The following ESR2 variants were observed in gnomAD, a reference collection of about 807,000 sequenced individuals.
ESR2 encodes the protein estrogen receptor beta.
ESR2 carries 36 observed loss-of-function variants against 49.6 expected under a neutral mutation model. That is an observed-to-expected ratio of 0.73 (90% CI 0.56 to 0.96). The LOEUF (loss-of-function observed/expected upper bound fraction) is 0.96. Among genes scored for constraint, ESR2 ranks in the 40% least tolerant of loss-of-function variants. ESR2 has a pLI of 0.00. For missense variants in ESR2, 714 were observed against 693.0 expected, an observed-to-expected ratio of 1.03 and a Z score of -0.34; for synonymous variants, 320 against 266.1, an observed-to-expected ratio of 1.20 and a Z score of -1.97.
chr14:64,312,595 T>G (rs1486010357), intron 1 of ESR2, among the ~76,000 whole-genome samples: 2 of 152,214 alleles, frequency 1.3e-5, no homozygotes, highest in South Asian at 4.1e-4. Flanking sequence ...CACATCCTCT[T>G]ACAGACTAAG....
Position 64,257,380 on chromosome 14 carries a change from G to C in ESR2, c.953-16C>G, listed in dbSNP as rs773658430. 6.2e-7 allele frequency: 1 copy of C among 1,612,258 alleles called. No homozygotes were observed. The highest frequency in any genetic ancestry group is 8.5e-7 in the Non-Finnish European group (1 of 1,179,942). On this transcript the variant is annotated splice_polypyrimidine_tract_variant and intron_variant, in intron 5 of 8. Transcript: ENST00000341099. The stretch of plus-strand genomic sequence containing the variant: ...TCCACAAAGCCTGGGGAAAGCAAGA[G>C]GCGGTGAGACACCCCCACCCCTCCT...
chr14:64,280,728 G>C (rs979796290), intron 2 of ESR2, among the ~76,000 whole-genome samples: 6 of 152,230 alleles, frequency 3.9e-5, no homozygotes, highest in Non-Finnish European at 8.8e-5. Context: ...ATAACTTTCA[G>C]GTTGGGCGCA....
At chr14:64,305,163 C>A (rs1032785079) in intron 1 of ESR2, among the ~76,000 whole-genome samples, 1 of 150,362 alleles carries the variant, frequency 6.7e-6, no homozygotes, top group Admixed American at 6.6e-5. Context: ...TGGTGGCGGG[C>A]GCCTGTAGTC....
At chr14:64,305,049 G>A (rs1038532841) in intron 1 of ESR2, among the ~76,000 whole-genome samples, 8 of 152,132 alleles carry the variant, frequency 5.3e-5, no homozygotes, top group African/African-American at 1.9e-4. Flanking sequence ...CCAGCTCTTT[G>A]GGAGGCTGAG....
rs530564131 is a variant in ESR2, at chr14:64,269,636, T to C, written c.536-725A>G. ...GGTAGCCACTGGTCCAAGAAGAACG[T>C]GGGGACATGTGGAACAGACCTGACC... On this transcript the variant is annotated intron_variant, in intron 3 of 8. Coordinates refer to ENST00000341099, the MANE Select transcript of ESR2 (RefSeq NM_001437.3). 4.6e-5 allele frequency among the ~76,000 whole-genome samples: 7 copies of C among 152,254 alleles called. No individual in the cohort carries two copies. In the East Asian group the frequency reaches 1.2e-3, roughly 25 times the overall value.
intron 1 of ESR2, among the ~76,000 whole-genome samples, chr14:64,332,819 C>T (rs541353588): frequency 6.7e-6 from 1 of 150,268 alleles, no homozygotes; most frequent in African/African-American, 2.5e-5. Context: ...AAAAAGGGTA[C>T]CGTATATGAT....
At chr14:64,254,067 A>T (rs2076048323) in intron 6 of ESR2, among the ~76,000 whole-genome samples, 1 of 152,206 alleles carries the variant, frequency 6.6e-6, no homozygotes, top group Non-Finnish European at 1.5e-5. Context: ...TTTTCCTCTC[A>T]TCCTCAGTAG....
chr14:64,326,972 A>C (rs987132495), intron 1 of ESR2, among the ~76,000 whole-genome samples: 22 of 152,158 alleles, frequency 1.4e-4, no homozygotes, highest in African/African-American at 5.3e-4. Flanking sequence ...TTTCTCGATT[A>C]CCTCCTAGAG....
intron 1 of ESR2, among the ~76,000 whole-genome samples, chr14:64,322,352 C>T (rs573310027): frequency 1.3e-5 from 2 of 152,162 alleles, no homozygotes; most frequent in East Asian, 3.9e-4. Context: ...TGCCACTGCA[C>T]CTGGCCTGAA....
At chr14:64,302,160 T>TTTATTTA in intron 1 of ESR2, among the ~76,000 whole-genome samples, 3 of 138,206 alleles carry the variant, frequency 2.2e-5, no homozygotes, top group Middle Eastern at 7.2e-3. Context: ...TATTTTTTAT[T>TTTATTTA]TTTATTTATT....
At chr14:64,294,729 C>T (rs780826953), upstream of ESR2, among the ~76,000 whole-genome samples, 12 of 152,218 alleles carry the variant, frequency 7.9e-5, no homozygotes, top group Non-Finnish European at 1.3e-4. Context: ...TCATTCAGAA[C>T]AGATGTCTGA....
intron 7 of ESR2, among the ~76,000 whole-genome samples, chr14:64,238,068 ATAG>A (rs1271919968): frequency 6.6e-6 from 1 of 152,250 alleles, no homozygotes; most frequent in African/African-American, 2.4e-5. Flanking sequence ...ACTAAAAATA[ATAG>A]TAATAATAAT....
chr14:64,279,975 T>C lies in ESR2; in HGVS notation c.535+6A>G. Reference sequence around the variant, plus strand: ...ACTAAAGAAGCAGTTAACAATTCTCTTGTACCTTGAATGCTTCTTTTAAAA... The same window carrying C: ...ACTAAAGAAGCAGTTAACAATTCTCCTGTACCTTGAATGCTTCTTTTAAAA... On this transcript the variant is annotated splice_donor_region_variant and intron_variant, in intron 3 of 8. Transcript: ENST00000341099. 1 of 1,611,756 alleles carries C rather than the reference T, an allele frequency of 6.2e-7. No homozygotes were observed. The highest frequency in any genetic ancestry group is 2.2e-5 in the East Asian group (1 of 44,866).
chr14:64,234,892 T>G, intron 8 of ESR2, 78 bp downstream of exon 8: 1 of 1,564,032 alleles, frequency 6.4e-7, no homozygotes, highest in Non-Finnish European at 8.7e-7. Context: ...GCAGACACTT[T>G]TCCCAAATCA....
At chr14:64,262,850 G>A (rs2076250287) in intron 4 of ESR2, among the ~76,000 whole-genome samples, 1 of 152,154 alleles carries the variant, frequency 6.6e-6, no homozygotes, top group African/African-American at 2.4e-5. Context: ...GGCAGAGGCT[G>A]CAGTGAGCCA....
chr14:64,302,204 T>TTTA (rs1567790369), intron 1 of ESR2, among the ~76,000 whole-genome samples: 184 of 85,978 alleles, frequency 2.1e-3, no homozygotes, highest in African/African-American at 7.9e-3. Flanking sequence ...TTATTTATTT[T>TTTA]TTGAGACAGT....
intron 5 of ESR2, among the ~76,000 whole-genome samples, chr14:64,258,642 A>C (rs1476384442): frequency 6.6e-6 from 1 of 152,212 alleles, no homozygotes; most frequent in Non-Finnish European, 1.5e-5. Context: ...GTCTTTGAAC[A>C]ATTATAACGC....
intron 1 of ESR2, among the ~76,000 whole-genome samples, chr14:64,321,746 C>G (rs1226985384): frequency 6.6e-6 from 1 of 152,206 alleles, no homozygotes; most frequent in Non-Finnish European, 1.5e-5. Flanking sequence ...AGAATGAGAT[C>G]ACATCCTTTG....
At chr14:64,256,710 CAGAG>C (rs927640876) in intron 6 of ESR2, among the ~76,000 whole-genome samples, 10 of 151,268 alleles carry the variant, frequency 6.6e-5, no homozygotes, top group African/African-American at 9.7e-5. Context: ...GCCTGAGCAA[CAGAG>C]AGAGACTCCA....
Sources: allele counts gnomAD v4.1 joint callset (sites outside exome capture counted in the v4.1 genomes callset), GRCh38; gene constraint gnomAD v4.1.1; transcripts MANE v1.5; gene names NCBI Gene and HGNC (gene_info 2026-07-23, HGNC 2026-07-21).